The following ADM2 variants were observed in gnomAD, a reference collection of about 807,000 sequenced individuals.
ADM2 encodes the protein adrenomedullin 2.
Under a neutral mutation model 7.1 loss-of-function variants are expected in ADM2, and 5 were observed. The ratio of observed to expected loss-of-function variants is 0.71; its 90% CI spans 0.37 to 1.49. ADM2 has a LOEUF of 1.49. Among genes scored for constraint, ADM2 ranks in the 40% most tolerant of loss-of-function variants. The probability of loss-of-function intolerance (pLI) is 0.03; values close to 1 mark genes in which losing one functional copy is unlikely to be tolerated. For synonymous variants in ADM2, 123 were observed against 92.8 expected, an observed-to-expected ratio of 1.33 and a Z score of -1.87; for missense variants, 236 against 211.2, an observed-to-expected ratio of 1.12 and a Z score of -0.73.
At position 50,482,036 on chromosome 22, in the gene ADM2, C is replaced by T. The variant is rs555757783; in HGVS notation, c.110+79C>T. ...GTGCCGGGGGCCGCGGGGCCGCCCT[C>T]CCTCCACGCCTCCACCTGCTGCTAG... On this transcript the variant is annotated intron_variant, in intron 2 of 2. Transcript: ENST00000395737. The T allele has an allele frequency of 4.2e-3, 5,343 of 1,282,604 alleles. 18 individuals carry two copies. The highest frequency in any genetic ancestry group is 5.2e-3 in the Non-Finnish European group (4,872 of 932,268). 79.5% of individuals were successfully genotyped at this position (1,282,604 alleles called of 1,614,324 possible).
In ADM2 at chr22:50,486,222, T is replaced by G. The variant is rs2068265950; in HGVS notation, c.*3319T>G. 1 of 152,464 alleles carries G rather than the reference T, an allele frequency of 6.6e-6. No individual in the cohort carries two copies. Among genetic ancestry groups the G allele is most frequent in the Non-Finnish European group, 1.5e-5 (1 of 68,312 alleles). 9.4% of individuals were successfully genotyped at this position (152,464 alleles called of 1,614,324 possible). On this transcript the variant is annotated 3_prime_UTR_variant, in exon 3 of 3. Coordinates refer to ENST00000395737, the MANE Select transcript of ADM2 (RefSeq NM_001253845.2). ...ACCCACCCTCGATATCTGATCCCAT[T>G]CCTCATCTCCCACCCTTGATCTCAT... is the stretch of plus-strand genomic sequence containing the variant.
In ADM2 at chr22:50,481,747, G is replaced by A; in HGVS notation, c.-28G>A. The A allele has an allele frequency of 4.1e-6, 3 of 735,962 alleles. No individual in the cohort carries two copies. The highest frequency in any genetic ancestry group is 4.2e-4 in the Middle Eastern group (1 of 2,372). 45.6% of individuals were successfully genotyped at this position (735,962 alleles called of 1,614,324 possible). ...CACGCCCACGCCCGGCGCCCCGACC[G>A]CGGAGGACTCCCCGAGGTGCCGGCG... is the stretch of plus-strand genomic sequence containing the variant. On this transcript the variant is annotated 5_prime_UTR_variant, in exon 1 of 3. Coordinates refer to ENST00000395737, the MANE Select transcript of ADM2 (RefSeq NM_001253845.2).
At position 50,481,750 on chromosome 22, in the gene ADM2, G is replaced by T; in HGVS notation, c.-25G>T. ...GCCCACGCCCGGCGCCCCGACCGCG[G>T]AGGACTCCCCGAGGTGCCGGCGGAG... On this transcript the variant is annotated 5_prime_UTR_variant, in exon 1 of 3. Transcript: ENST00000395737. 1.3e-6 allele frequency: 1 copy of T among 770,066 alleles called. No individual in the cohort carries two copies. The highest frequency in any genetic ancestry group is 1.9e-6 in the Non-Finnish European group (1 of 537,382). The allele number at this position is 770,066 out of a possible 1,614,324, so 47.7% of individuals were successfully genotyped here.
In ADM2 at chr22:50,483,111, T is replaced by C. The variant is rs1339795492; in HGVS notation, c.*208T>C. ...TCAAGGAGCCTAAACACCCTGAAAT[T>C]GTGACCCCCTGGGGGACAGCTGCCA... On this transcript the variant is annotated 3_prime_UTR_variant, in exon 3 of 3. Transcript: ENST00000395737. 2 of 872,298 alleles carry C rather than the reference T, an allele frequency of 2.3e-6. No individual in the cohort carries two copies. The highest frequency in any genetic ancestry group is 1.8e-6 in the Non-Finnish European group (1 of 542,508). 54.0% of individuals were successfully genotyped at this position (872,298 alleles called of 1,614,324 possible). A position where few individuals can be genotyped will look rare whatever the true frequency, so the allele number is the denominator to read the frequency against.
rs2068197243 is a variant in ADM2 at position 50,481,728 on chromosome 22, C to G, written c.-47C>G. 1.8e-6 allele frequency: 1 copy of G among 564,744 alleles called. No homozygotes were observed. Among genetic ancestry groups the G allele is most frequent in the South Asian group, 3.6e-5 (1 of 27,504 alleles). 35.0% of individuals were successfully genotyped at this position (564,744 alleles called of 1,614,324 possible). ...ACGCCCGTGCCCAGCTTGCCACGCCCACGCCCGGCGCCCCGACCGCGGAGG... is the reference window on the plus strand; with the variant it reads ...ACGCCCGTGCCCAGCTTGCCACGCCGACGCCCGGCGCCCCGACCGCGGAGG... On this transcript the variant is annotated 5_prime_UTR_variant, in exon 1 of 3. Transcript: ENST00000395737.
In ADM2 at chr22:50,481,742, C is replaced by T. The variant is rs1489045504; in HGVS notation, c.-33C>T. ...CTTGCCACGCCCACGCCCGGCGCCC[C>T]GACCGCGGAGGACTCCCCGAGGTGC... On this transcript the variant is annotated 5_prime_UTR_variant, in exon 1 of 3. Coordinates refer to ENST00000395737, the MANE Select transcript of ADM2 (RefSeq NM_001253845.2). 5.8e-6 allele frequency: 4 copies of T among 687,388 alleles called. No homozygotes were observed. Among genetic ancestry groups the T allele is most frequent in the African/African-American group, 1.9e-5 (1 of 51,998 alleles). 42.6% of individuals were successfully genotyped at this position (687,388 alleles called of 1,614,324 possible). A position where few individuals can be genotyped will look rare whatever the true frequency, so the allele number is the denominator to read the frequency against.
At chr22:50,482,479 C>T (rs2068208033) in intron 2 of ADM2, 88 bp from the exon 3 acceptor site, 2 of 1,426,650 alleles carry the variant, frequency 1.4e-6, no homozygotes, top group African/African-American at 1.4e-5. Context: ...TGGCAGTGAC[C>T]CAGGCCTGTG....
intron 1 of ADM2, 31 bp downstream of exon 1, chr22:50,481,794 G>A (rs2068198090): frequency 1.5e-6 from 2 of 1,312,960 alleles, no homozygotes; most frequent in Non-Finnish European, 1.0e-6. Flanking sequence ...TCGCGGCTCA[G>A]GCTGCCCCCG....
chr22:50,482,014 C>G, intron 2 of ADM2, 57 bp downstream of exon 2: 1 of 1,467,592 alleles, frequency 6.8e-7, no homozygotes, highest in Admixed American at 2.2e-5. Flanking sequence ...AAGCAGAGTG[C>G]CGGGGGCCGC....
intron 2 of ADM2, among the ~76,000 whole-genome samples, 154 bp from the exon 3 acceptor site, chr22:50,482,413 G>C (rs899124797): frequency 6.6e-6 from 1 of 152,182 alleles, no homozygotes; most frequent in African/African-American, 2.4e-5. Flanking sequence ...GAGGGGACGC[G>C]GGCTTCCCCT....
rs1054352250 is a variant in ADM2 at position 50,481,931 on chromosome 22, C to CG, written c.88dup (p.Asp30GlyfsTer147). ...CTGGCTCGCTGTCCCGCAGCCTGGG[C>CG]GGGGACCCGCGACCCGTCAAACCCA... On this transcript the variant is annotated frameshift_variant, in exon 2 of 3. Coordinates refer to ENST00000395737, the MANE Select transcript of ADM2 (RefSeq NM_001253845.2). LOFTEE classifies it low-confidence loss of function (END_TRUNC). 9 of 1,536,634 alleles carry CG rather than the reference C, an allele frequency of 5.9e-6. No homozygotes were observed. The Admixed American group carries it at 1.8e-4, about 30-fold the overall frequency.
rs2068212679 is a variant in ADM2, at chr22:50,482,742, TCGGGCCCCCG to T, written c.288_297del (p.Arg99LysfsTer215). The T allele has an allele frequency of 1.3e-6, 2 of 1,484,250 alleles. No homozygotes were observed. The highest frequency in any genetic ancestry group is 2.8e-5 in the African/African-American group (2 of 70,372). 91.9% of individuals were successfully genotyped at this position (1,484,250 alleles called of 1,614,324 possible). A position where few individuals can be genotyped will look rare whatever the true frequency, so the allele number is the denominator to read the frequency against. On this transcript the variant is annotated frameshift_variant, in exon 3 of 3. Coordinates refer to ENST00000395737, the MANE Select transcript of ADM2 (RefSeq NM_001253845.2). LOFTEE classifies it high-confidence loss of function. ...CCAACACTCGGGCCCCCGAAGACACTCGGGCCCCCGCAGGACCCAAGCCCAGCTCCTGCGA... is the reference window on the plus strand; with the variant it reads ...CCAACACTCGGGCCCCCGAAGACACTCAGGACCCAAGCCCAGCTCCTGCGA...
intron 2 of ADM2, among the ~76,000 whole-genome samples, 157 bp from the exon 3 acceptor site, chr22:50,482,410 C>T (rs532586021): frequency 7.9e-5 from 12 of 152,276 alleles, no homozygotes; most frequent in South Asian, 2.1e-4. Context: ...CCAGAGGGGA[C>T]GCGGGCTTCC....
chr22:50,482,088 A>G, intron 2 of ADM2, 131 bp downstream of exon 2: 1 of 840,788 alleles, frequency 1.2e-6, no homozygotes, highest in Non-Finnish European at 1.8e-6. Context: ...AAAGGCCCCT[A>G]CCCCAGGCTC....
chr22:50,482,535 A>G, intron 2 of ADM2, 32 bp from the exon 3 acceptor site: 1 of 1,447,278 alleles, frequency 6.9e-7, no homozygotes. Context: ...AGGCTGAGCC[A>G]TCTGGTTGAC....
rs1160071527 is a variant in ADM2, at chr22:50,482,933, C to T, written c.*30C>T. On this transcript the variant is annotated 3_prime_UTR_variant, in exon 3 of 3. Transcript: ENST00000395737. ...GGGCCGGGCCACACCCCTGCCCATC[C>T]CAGCCAGGGTGCTGTGCCCCCGTCC... 10 of 1,559,288 alleles carry T rather than the reference C, an allele frequency of 6.4e-6. No individual in the cohort carries two copies. The highest frequency in any genetic ancestry group is 8.6e-6 in the Non-Finnish European group (10 of 1,158,090).
intron 2 of ADM2, among the ~76,000 whole-genome samples, 171 bp downstream of exon 2, chr22:50,482,128 T>A (rs2068203712): frequency 1.3e-5 from 2 of 152,112 alleles, no homozygotes; most frequent in African/African-American, 2.4e-5. Context: ...CAGAGGCCCC[T>A]CTTTCTCTGC....
At position 50,482,090 on chromosome 22, in the gene ADM2, C is replaced by T. The variant is rs555487896; in HGVS notation, c.110+133C>T. On this transcript the variant is annotated intron_variant, in intron 2 of 2. Coordinates refer to ENST00000395737, the MANE Select transcript of ADM2 (RefSeq NM_001253845.2). ...TCCCCTCCCAAACAAAGGCCCCTACCCCAGGCTCAGGAGCGCCTGAGCAGG... is the reference window on the plus strand; with the variant it reads ...TCCCCTCCCAAACAAAGGCCCCTACTCCAGGCTCAGGAGCGCCTGAGCAGG... 25 of 839,100 alleles carry T rather than the reference C, an allele frequency of 3.0e-5. No individual in the cohort carries two copies. In the East Asian group the frequency reaches 7.4e-4, roughly 25 times the overall value. 52.0% of individuals were successfully genotyped at this position (839,100 alleles called of 1,614,324 possible). A position where few individuals can be genotyped will look rare whatever the true frequency, so the allele number is the denominator to read the frequency against.
Position 50,482,189 on chromosome 22 carries a change from C to T in ADM2, c.110+232C>T, listed in dbSNP as rs371622301. Among the ~76,000 whole-genome samples, 805 of 152,308 alleles carry T rather than the reference C, an allele frequency of 5.3e-3. 7 individuals carry two copies. The highest frequency in any genetic ancestry group is 7.4e-3 in the Non-Finnish European group (504 of 68,000). On this transcript the variant is annotated intron_variant, in intron 2 of 2. Transcript: ENST00000395737. Reference sequence around the variant, plus strand: ...CCCCACACACATGGGCACAGCAGCCCCTCTTCTGGGGGTGTCTGCTGGGGG... The same window carrying T: ...CCCCACACACATGGGCACAGCAGCCTCTCTTCTGGGGGTGTCTGCTGGGGG...
Sources: allele counts gnomAD v4.1 joint callset (sites outside exome capture counted in the v4.1 genomes callset), GRCh38; gene constraint gnomAD v4.1.1; transcripts MANE v1.5; gene names NCBI Gene and HGNC (gene_info 2026-07-23, HGNC 2026-07-21).